The following CARMIL1 variants were observed in gnomAD, a reference collection of about 807,000 sequenced individuals.
CARMIL1 encodes the protein F-actin-uncapping protein LRRC16A.
Under a neutral mutation model 177.1 loss-of-function variants are expected in CARMIL1, and 90 were observed. That is an observed-to-expected ratio of 0.51 (90% CI 0.43 to 0.61). CARMIL1 has a LOEUF of 0.61. Ranked by LOEUF, CARMIL1 falls within the 20% of genes least tolerant of loss-of-function variation. CARMIL1 has a pLI of 0.00. For missense variants in CARMIL1, 1,380 were observed against 1,667.0 expected (o/e 0.83, Z 3.00); for synonymous variants, 577 against 606.2 (o/e 0.95, Z 0.71).
At chr6:25,460,151 C>A (rs1800005890) in intron 8 of CARMIL1, among the ~76,000 whole-genome samples, 1 of 152,212 alleles carries the variant, frequency 6.6e-6, no homozygotes, top group Non-Finnish European at 1.5e-5. Context: ...CAGGGAAAAT[C>A]AGGTAGTCCT....
chr6:25,457,984 G>A (rs1209106912), intron 8 of CARMIL1, among the ~76,000 whole-genome samples: 1 of 152,152 alleles, frequency 6.6e-6, no homozygotes, highest in Non-Finnish European at 1.5e-5. Flanking sequence ...AAAAGTCACA[G>A]TGTTCTTAAA....
At chr6:25,581,092 G>C in intron 30 of CARMIL1, 102 bp downstream of exon 30, 2 of 1,291,322 alleles carry the variant, frequency 1.5e-6, no homozygotes, top group Non-Finnish European at 2.2e-6. Context: ...GCACTACATG[G>C]GTAAATATTG....
chr6:25,290,838 T>G (rs1781899774), intron 2 of CARMIL1, among the ~76,000 whole-genome samples: 1 of 152,094 alleles, frequency 6.6e-6, no homozygotes. Context: ...CAAGCTGGAG[T>G]GCAGTGGCAC....
chr6:25,309,459 T>C lies in CARMIL1; in HGVS notation c.138+24550T>C, dbSNP rs1008857583. 2.7e-5 allele frequency among the ~76,000 whole-genome samples: 4 copies of C among 149,538 alleles called. No homozygotes were observed. In the South Asian group the frequency reaches 8.5e-4, roughly 32 times the overall value. On this transcript the variant is annotated intron_variant, in intron 2 of 36. Coordinates refer to ENST00000329474, the MANE Select transcript of CARMIL1 (RefSeq NM_017640.6). ...TATATTCACAGAGTTGTGCATCTAT[T>C]ACCAGAATCAATTTTGAGCCTTTTT... is the stretch of plus-strand genomic sequence containing the variant.
At chr6:25,349,259 T>A (rs1787858111) in intron 2 of CARMIL1, among the ~76,000 whole-genome samples, 1 of 152,214 alleles carries the variant, frequency 6.6e-6, no homozygotes, top group Non-Finnish European at 1.5e-5. Flanking sequence ...CTAATGTGCA[T>A]GGCTTTGCAA....
rs1806543482 is a variant in CARMIL1, at chr6:25,521,454, TTAAGGTC to T, written c.1968+1119_1968+1125del. On this transcript the variant is annotated intron_variant, in intron 23 of 36. Transcript: ENST00000329474. ...CCTCTGTACCCTGGCTGAAACTGGT[TTAAGGTC>T]TGCAGTTACTTATCAATAAAGAATG... Among the ~76,000 whole-genome samples, 4 of 152,306 alleles carry T rather than the reference TTAAGGTC, an allele frequency of 2.6e-5. No individual in the cohort carries two copies. The South Asian group carries it at 8.3e-4, about 32-fold the overall frequency.
At chr6:25,419,774 T>C (rs879839338) in intron 2 of CARMIL1, among the ~76,000 whole-genome samples, 27 of 152,214 alleles carry the variant, frequency 1.8e-4, no homozygotes, top group South Asian at 6.2e-4. Context: ...GCTGTTGATA[T>C]AGTGAGACTT....
chr6:25,553,284 G>C (rs1446368609), intron 27 of CARMIL1, among the ~76,000 whole-genome samples: 2 of 152,078 alleles, frequency 1.3e-5, no homozygotes, highest in African/African-American at 4.8e-5. Context: ...TTCAGACCGA[G>C]AACACACATG....
intron 2 of CARMIL1, among the ~76,000 whole-genome samples, chr6:25,405,554 G>T (rs1363784230): frequency 6.6e-6 from 1 of 152,166 alleles, no homozygotes; most frequent in Non-Finnish European, 1.5e-5. Context: ...TTCCCAGATC[G>T]TAAGAGCTGC....
At chr6:25,517,948 A>T (rs180861852) in intron 22 of CARMIL1, among the ~76,000 whole-genome samples, 1 of 152,344 alleles carries the variant, frequency 6.6e-6, no homozygotes, top group Non-Finnish European at 1.5e-5. Context: ...CTTTCCCAGT[A>T]AACTAAATGA....
chr6:25,324,297 CA>C (rs996654172), intron 2 of CARMIL1, among the ~76,000 whole-genome samples: 3 of 151,586 alleles, frequency 2.0e-5, no homozygotes, highest in African/African-American at 7.3e-5. Context: ...TCAGAGTTCA[CA>C]GTGCAAAGCA....
chr6:25,545,871 A>G lies in CARMIL1; in HGVS notation c.2329-5039A>G, dbSNP rs973827230. ...ATTAAACAGTAATGTAAATAGTAAC[A>G]TAAGAACCTGTAGGAGACAACTAAA... On this transcript the variant is annotated intron_variant, in intron 26 of 36. Coordinates refer to ENST00000329474, the MANE Select transcript of CARMIL1 (RefSeq NM_017640.6). Among the ~76,000 whole-genome samples, 17 of 152,364 alleles carry G rather than the reference A, an allele frequency of 1.1e-4. No homozygotes were observed. The East Asian group carries it at 3.3e-3, about 29-fold the overall frequency.
chr6:25,529,755 CAAAAAAAAAA>C (rs70977217), intron 24 of CARMIL1, among the ~76,000 whole-genome samples: 209 of 33,534 alleles, frequency 6.2e-3, no homozygotes, highest in African/African-American at 0.018. Context: ...ACTCCGTCTC[CAAAAAAAAAA>C]AAAAAAAAAA....
chr6:25,397,500 T>C (rs537240853), intron 2 of CARMIL1, among the ~76,000 whole-genome samples: 1 of 152,046 alleles, frequency 6.6e-6, no homozygotes. Context: ...TCTGAAGGGG[T>C]AGAGGGTAAG....
chr6:25,561,531 A>G (rs926877697), intron 29 of CARMIL1, among the ~76,000 whole-genome samples: 3 of 152,208 alleles, frequency 2.0e-5, no homozygotes, highest in Admixed American at 6.5e-5. Flanking sequence ...CCTGTCTCCA[A>G]TGATAAAATA....
chr6:25,392,718 G>A (rs912461329), intron 2 of CARMIL1, among the ~76,000 whole-genome samples: 5 of 152,080 alleles, frequency 3.3e-5, no homozygotes, highest in East Asian at 1.9e-4. Context: ...CAGTATCCAC[G>A]TGTAGGAAAT....
In CARMIL1 at chr6:25,520,313, A is replaced by G. The variant is rs969614787; in HGVS notation, c.1944A>G (p.Glu648=). Residue 648 remains glutamate, a synonymous_variant, in exon 23 of 37, where the codon GAA becomes GAG. Transcript: ENST00000329474. ...DASQALKTNP[E]KTEDALQKIE... Reference sequence around the variant, plus strand: ...CTCAAGCCCTAAAAACAAACCCTGAAAAAACAGAAGACGCTCTGCAAAAGG... The same window carrying G: ...CTCAAGCCCTAAAAACAAACCCTGAGAAAACAGAAGACGCTCTGCAAAAGG... 4 of 1,556,836 alleles carry G rather than the reference A, an allele frequency of 2.6e-6. No individual in the cohort carries two copies. The African/African-American group carries it at 4.1e-5, about 16-fold the overall frequency.
chr6:25,603,913 T>A (rs1282077331), intron 33 of CARMIL1, among the ~76,000 whole-genome samples: 3 of 152,152 alleles, frequency 2.0e-5, no homozygotes, highest in African/African-American at 7.2e-5. Context: ...TGCAGATTTT[T>A]AAAAAATTTA....
At chr6:25,329,219 C>CT (rs1358164183) in intron 2 of CARMIL1, among the ~76,000 whole-genome samples, 6 of 152,086 alleles carry the variant, frequency 3.9e-5, no homozygotes, top group Admixed American at 2.6e-4. Flanking sequence ...CCTCCCCCAC[C>CT]TTTAAAAAAA....
Sources: gnomAD v4.1 joint callset for allele counts (sites outside exome capture counted in the v4.1 genomes callset) on GRCh38, gnomAD v4.1.1 for gene constraint, MANE v1.5 for transcripts, NCBI Gene and HGNC (gene_info 2026-07-23, HGNC 2026-07-21) for gene names.